Variants in DIDO1 observed in about 807,000 individuals in gnomAD.
DIDO1 encodes the protein death inducer-obliterator 1.
Under a neutral mutation model 99.4 loss-of-function variants are expected in DIDO1, and 16 were observed. The ratio of observed to expected loss-of-function variants is 0.16; its 90% confidence interval spans 0.11 to 0.24. The LOEUF (loss-of-function observed/expected upper bound fraction) is 0.24, where lower values mean the gene tolerates loss of function less well. Ranked by LOEUF, DIDO1 falls within the 10% of genes least tolerant of loss-of-function variation. The probability of loss-of-function intolerance (pLI) is 1.00; values close to 1 mark genes in which losing one functional copy is unlikely to be tolerated. For synonymous variants in DIDO1, 1,366 were observed against 1,239.1 expected (o/e 1.10, Z -2.15); for missense variants, 2,996 against 3,014.0 (o/e 0.99, Z 0.14).
In DIDO1 at chr20:62,894,073, T is replaced by G; in HGVS notation, c.2694A>C (p.Ser898=). ...CAGCCTCCGGCATCACCTCATCAGC[T>G]GAATCCGGAGCTGGGTCAGGTGCAG... The part of the protein sequence containing the change: ...DSSAPDPAPD[S]ADEVMPEAVP... Residue 898 remains serine, a synonymous_variant, in exon 12 of 16, where the codon TCA becomes TCC. Transcript: ENST00000395343. This position sits in a 1 kb window ranked among gnomAD's most constrained non-coding sequence, Gnocchi z 4.4. 1 of 1,614,258 alleles carries G rather than the reference T, an allele frequency of 6.2e-7. No homozygotes were observed. Among genetic ancestry groups the G allele is most frequent in the Non-Finnish European group, 8.5e-7 (1 of 1,180,042 alleles).
In DIDO1 at chr20:62,879,043, G is replaced by T. The variant is rs2064149837; in HGVS notation, c.*190C>A. On this transcript the variant is annotated 3_prime_UTR_variant, in exon 16 of 16. Transcript: ENST00000395343. The surrounding 1 kb of genome is among the most constrained non-coding windows in gnomAD (Gnocchi z 6.3). ...TTTTAAATGGAAATATTAAAGTTTA[G>T]TTTTTTTAAAAAAGCATCAGAATTG... is the stretch of plus-strand genomic sequence containing the variant. 2 of 515,484 alleles carry T rather than the reference G, an allele frequency of 3.9e-6. No individual in the cohort carries two copies. The highest frequency in any genetic ancestry group is 3.4e-5 in the East Asian group (1 of 29,400). The allele number at this position is 515,484 out of a possible 1,614,324, so 31.9% of individuals were successfully genotyped here. A position where few individuals can be genotyped will look rare whatever the true frequency, so the allele number is the denominator to read the frequency against.
intron 1 of DIDO1, among the ~76,000 whole-genome samples, chr20:62,923,926 T>C (rs2065204613): frequency 2.0e-5 from 3 of 152,324 alleles, no homozygotes; most frequent in East Asian, 1.9e-4. Flanking sequence ...GAATTCTTAT[T>C]AAAATATGTA....
intron 1 of DIDO1, among the ~76,000 whole-genome samples, chr20:62,922,368 C>T (rs1471984326): frequency 6.6e-6 from 1 of 152,046 alleles, no homozygotes; most frequent in East Asian, 1.9e-4. Context: ...GTCCTGACAG[C>T]TGCAGCCAGC....
chr20:62,906,130 A>G (rs1985400924), intron 5 of DIDO1, 30 bp from the exon 6 acceptor site: 1 of 1,590,406 alleles, frequency 6.3e-7, no homozygotes, highest in Non-Finnish European at 8.5e-7. Flanking sequence ...CCAAATCATT[A>G]AAAAGGTAAG....
In DIDO1 at chr20:62,880,304, G is replaced by A. The variant is rs2064177294; in HGVS notation, c.5652C>T (p.Gly1884=). 3.1e-6 allele frequency: 5 copies of A among 1,612,782 alleles called. No individual in the cohort carries two copies. The highest frequency in any genetic ancestry group is 4.2e-6 in the Non-Finnish European group (5 of 1,179,988). Residue 1884 remains glycine, a synonymous_variant, in exon 16 of 16, where the codon GGC becomes GGT. Coordinates refer to ENST00000395343, the MANE Select transcript of DIDO1 (RefSeq NM_001193369.2). ...EQAPFLGSRG[G]APFQFGGQRR... ...TCTGGCCTCCGAACTGGAAAGGCGC[G>A]CCGCCTCTGCTTCCCAGAAATGGGG...
In DIDO1 at chr20:62,879,496, T is replaced by G; in HGVS notation, c.6460A>C (p.Ser2154Arg). Residue 2154 changes from serine to arginine, a missense_variant, in exon 16 of 16, where the codon AGC becomes CGC. By Grantham distance (110) the Ser-to-Arg change is moderately radical. Around this residue, in one of 5 missense-constraint regions of DIDO1, gnomAD observed 1,562 missense variants for 1,412.6 expected, o/e 1.11. Transcript: ENST00000395343. This position sits in a 1 kb window ranked among gnomAD's most constrained non-coding sequence, Gnocchi z 6.3. ...SRDWDRNRER[S>R]ANRDREREAD... Reference sequence around the variant, plus strand: ...TCGCGCTCTCGGTCGCGGTTGGCGCTCCTCTCCCGGTTTCTGTCCCAGTCC... The same window carrying G: ...TCGCGCTCTCGGTCGCGGTTGGCGCGCCTCTCCCGGTTTCTGTCCCAGTCC... The G allele has an allele frequency of 6.3e-7, 1 of 1,594,534 alleles. No individual in the cohort carries two copies. The highest frequency in any genetic ancestry group is 8.5e-7 in the Non-Finnish European group (1 of 1,177,232).
Position 62,878,903 on chromosome 20 carries a change from GGT to G in DIDO1, c.*328_*329del. On this transcript the variant is annotated 3_prime_UTR_variant, in exon 16 of 16. Transcript: ENST00000395343. ...CACAAACGGATGAGATGTCAGTGAA[GGT>G]ATGGCTCTAGGGTCCAACGAAACTC... 4.8e-6 allele frequency: 1 copy of G among 209,500 alleles called. No individual in the cohort carries two copies. Among genetic ancestry groups the G allele is most frequent in the Non-Finnish European group, 9.4e-6 (1 of 106,904 alleles). The allele number at this position is 209,500 out of a possible 1,614,324, so 13.0% of individuals were successfully genotyped here.
At chr20:62,903,860 G>A (rs2064740398) in intron 6 of DIDO1, among the ~76,000 whole-genome samples, 1 of 152,190 alleles carries the variant, frequency 6.6e-6, no homozygotes, top group African/African-American at 2.4e-5. Context: ...GGCAAAGAAG[G>A]GAAGAGGGAG....
chr20:62,910,647 G>A, intron 3 of DIDO1, 127 bp downstream of exon 3: 1 of 1,171,620 alleles, frequency 8.5e-7, no homozygotes, highest in East Asian at 2.4e-5. Context: ...TTTCTTTTTT[G>A]ACAACTTGTT....
intron 5 of DIDO1, among the ~76,000 whole-genome samples, chr20:62,906,738 G>A (rs6011465): frequency 0.23 from 34,866 of 151,296 alleles, 4,279 homozygotes; most frequent in East Asian, 0.34. Flanking sequence ...CAAATAACAC[G>A]GAGTACAAAC....
chr20:62,913,190 A>ACC (rs773609696), intron 2 of DIDO1, among the ~76,000 whole-genome samples: 12 of 151,762 alleles, frequency 7.9e-5, no homozygotes, highest in Non-Finnish European at 1.8e-4. Flanking sequence ...CATGACCCAC[A>ACC]CCCCCCAGGG....
intron 14 of DIDO1, among the ~76,000 whole-genome samples, 170 bp downstream of exon 14, chr20:62,891,817 G>A (rs918552863): frequency 2.0e-5 from 3 of 151,046 alleles, no homozygotes; most frequent in African/African-American, 7.3e-5. Flanking sequence ...GTGCAGTGGT[G>A]CGATCTCGGC....
intron 15 of DIDO1, among the ~76,000 whole-genome samples, chr20:62,886,011 T>A (rs1305357344): frequency 6.6e-6 from 1 of 152,202 alleles, no homozygotes; most frequent in Non-Finnish European, 1.5e-5. Flanking sequence ...CCGTGGTGTG[T>A]GAGCCCTGGG....
intron 15 of DIDO1, chr20:62,887,711 AG>A (rs2064318375): frequency 1.0e-6 from 1 of 985,330 alleles, no homozygotes; most frequent in Non-Finnish European, 1.2e-6. Flanking sequence ...CTACACGATG[AG>A]CTTTCAACCT....
chr20:62,935,808 G>A (rs1262279865), intron 1 of DIDO1, among the ~76,000 whole-genome samples: 1 of 152,258 alleles, frequency 6.6e-6, no homozygotes, highest in Non-Finnish European at 1.5e-5. Context: ...TATGTGAGAG[G>A]TAGTGACAGG....
intron 12 of DIDO1, among the ~76,000 whole-genome samples, 174 bp from the exon 13 acceptor site, chr20:62,893,136 C>T (rs975616571): frequency 2.0e-5 from 3 of 152,072 alleles, no homozygotes; most frequent in Admixed American, 6.5e-5. Context: ...GGTGATCCTC[C>T]CACCTCAGCC....
At chr20:62,937,757 C>T (rs530315725) in intron 1 of DIDO1, 1 of 397,766 alleles carries the variant, frequency 2.5e-6, no homozygotes, top group East Asian at 3.6e-5. Flanking sequence ...CGCCCCACCC[C>T]GTGCGGCCTC....
intron 1 of DIDO1, among the ~76,000 whole-genome samples, chr20:62,935,899 A>C (rs1397040217): frequency 6.6e-6 from 1 of 152,242 alleles, no homozygotes; most frequent in Non-Finnish European, 1.5e-5. Context: ...TTATGGTGGA[A>C]GAGGCTGGGA....
chr20:62,910,847 G>A lies in DIDO1; in HGVS notation c.766C>T (p.Arg256Ter). Reference protein sequence around the residue: ...IKDEEPGDLGRPKPECEGYDP... With the variant: ...IKDEEPGDLG ...TAACCCTCACATTCAGGCTTCGGTCGGCCCAAGTCTCCAGGCTCCTCATCT... is the reference window on the plus strand; with the variant it reads ...TAACCCTCACATTCAGGCTTCGGTCAGCCCAAGTCTCCAGGCTCCTCATCT... Residue 256 changes from arginine to a stop codon, truncating the protein, a stop_gained, in exon 3 of 16, where the codon CGA becomes TGA. Transcript: ENST00000395343. LOFTEE classifies it high-confidence loss of function. 2 of 1,614,076 alleles carry A rather than the reference G, an allele frequency of 1.2e-6. No homozygotes were observed. The highest frequency in any genetic ancestry group is 1.7e-6 in the Non-Finnish European group (2 of 1,180,016).
Sources: allele counts gnomAD v4.1 joint callset (sites outside exome capture counted in the v4.1 genomes callset), GRCh38; gene constraint gnomAD v4.1.1; regional missense constraint gnomAD v4.1.1; non-coding constraint Gnocchi (gnomAD v3.1); transcripts MANE v1.5; gene names NCBI Gene and HGNC (gene_info 2026-07-23, HGNC 2026-07-21).